Variants in PODNL1 observed in about 807,000 individuals in gnomAD.
The protein encoded by PODNL1 is podocan like 1, also known as podocan-like protein 1.
In PODNL1, 50 loss-of-function variants were observed where a neutral mutation model predicts 45.1. That is an observed-to-expected ratio of 1.11 (90% CI 0.88 to 1.40). The LOEUF (loss-of-function observed/expected upper bound fraction) is 1.40. Ranked by LOEUF, PODNL1 falls within the 40% of genes most tolerant of loss-of-function variation. The pLI is 0.00. For synonymous variants in PODNL1, 406 were observed against 372.5 expected (o/e 1.09, Z -1.04); for missense variants, 788 against 793.3 (o/e 0.99, Z 0.08).
chr19:13,952,039 C>G (rs1973057405), intron 1 of PODNL1, among the ~76,000 whole-genome samples: 1 of 152,236 alleles, frequency 6.6e-6, no homozygotes, highest in African/African-American at 2.4e-5. Flanking sequence ...TCTCTTTCCT[C>G]GGCCTGGCTC....
chr19:13,935,631 G>A, intron 5 of PODNL1, 90 bp downstream of exon 5: 1 of 1,024,812 alleles, frequency 9.8e-7, no homozygotes, highest in Non-Finnish European at 1.4e-6. Context: ...CCGGCCGAGG[G>A]CAAGGTCTTA....
In PODNL1 at chr19:13,935,973, G is replaced by A; in HGVS notation, c.384+7C>T. On this transcript the variant is annotated splice_region_variant and intron_variant, in intron 4 of 9. Coordinates refer to ENST00000588872, the MANE Select transcript of PODNL1 (RefSeq NM_001370095.3). Reference sequence around the variant, plus strand: ...GGCTCGGCCTGCGGGTGGGGCTGGGGGCTCACCTTGTTGTGAGCCACGCAG... The same window carrying A: ...GGCTCGGCCTGCGGGTGGGGCTGGGAGCTCACCTTGTTGTGAGCCACGCAG... 6.4e-7 allele frequency: 1 copy of A among 1,551,844 alleles called. No homozygotes were observed.
At chr19:13,940,079 C>A (rs890514467), upstream of PODNL1, 1 of 151,902 alleles carries the variant, frequency 6.6e-6, no homozygotes, top group South Asian at 2.1e-4. Context: ...ATGACAAACC[C>A]CCCCCCTCAA....
intron 8 of PODNL1, 172 bp from the exon 9 acceptor site, chr19:13,932,284 C>T: frequency 1.2e-6 from 1 of 861,132 alleles, no homozygotes; most frequent in South Asian, 5.9e-5. Context: ...TAAACTAAGG[C>T]CCTTCCCAGG....
chr19:13,934,762 T>C (rs1202536710), intron 5 of PODNL1, among the ~76,000 whole-genome samples: 1 of 151,974 alleles, frequency 6.6e-6, no homozygotes, highest in Non-Finnish European at 1.5e-5. Context: ...GTGTGTGCTA[T>C]GTGCCTGTGC....
chr19:13,947,920 G>A (rs1432841142), intron 1 of PODNL1, among the ~76,000 whole-genome samples: 5 of 152,092 alleles, frequency 3.3e-5, no homozygotes, highest in Non-Finnish European at 7.3e-5. Flanking sequence ...GTGCAGTGGT[G>A]CGATCATGGC....
Position 13,933,590 on chromosome 19 carries a change from G to C in PODNL1, c.768-135C>G. The C allele has an allele frequency of 1.9e-6, 2 of 1,031,578 alleles. No individual in the cohort carries two copies. The highest frequency in any genetic ancestry group is 5.7e-5 in the Admixed American group (2 of 35,030). The allele number at this position is 1,031,578 out of a possible 1,614,324, so 63.9% of individuals were successfully genotyped here. A position where few individuals can be genotyped will look rare whatever the true frequency, so the allele number is the denominator to read the frequency against. On this transcript the variant is annotated intron_variant, in intron 7 of 9. Transcript: ENST00000588872. The surrounding 1 kb of genome is among the most constrained non-coding windows in gnomAD (Gnocchi z 5.2). ...TTGACTTGGGAGTGATGCGTGGAGA[G>C]AGCTGGGTGGGAGGTAAACTTGGGG...
Position 13,933,449 on chromosome 19 carries a change from C to T in PODNL1, c.774G>A (p.Leu258=). The change falls in exon 8 of 10, where the codon CTG becomes CTA. Residue 258 remains leucine (L), a synonymous_variant. Coordinates refer to ENST00000588872, the MANE Select transcript of PODNL1 (RefSeq NM_001370095.3). The surrounding 1 kb of genome is among the most constrained non-coding windows in gnomAD (Gnocchi z 5.2). ...AGAGATCCAGGTATTCAAGGCTATG[C>T]AGCTTGCTGGAAGGAGAGAGGGTCG... ...SGLDATTFSK[L]HSLEYLDLSH... is the part of the protein sequence containing the mutation. 6.4e-7 allele frequency: 1 copy of T among 1,563,472 alleles called. No homozygotes were observed.
upstream of PODNL1, among the ~76,000 whole-genome samples, chr19:13,943,022 G>C (rs780727866): frequency 5.5e-4 from 82 of 149,866 alleles, no homozygotes; most frequent in Admixed American, 3.5e-3. Flanking sequence ...AAAGGGCCAG[G>C]CACGGTGTCT....
At chr19:13,935,875 G>C in intron 4 of PODNL1, 45 bp from the exon 5 acceptor site, 2 of 1,558,144 alleles carry the variant, frequency 1.3e-6, no homozygotes, top group Non-Finnish European at 1.7e-6. Flanking sequence ...GGTGCGCCTT[G>C]GCCCCACCAC....
chr19:13,936,075 C>A, intron 3 of PODNL1, 31 bp from the exon 4 acceptor site: 1 of 1,537,280 alleles, frequency 6.5e-7, no homozygotes, highest in Non-Finnish European at 8.8e-7. Context: ...TGAAGGGACC[C>A]CAGGCCTGTC....
At chr19:13,939,085 T>C (rs186289475), upstream of PODNL1, among the ~76,000 whole-genome samples, 3 of 152,292 alleles carry the variant, frequency 2.0e-5, no homozygotes, top group African/African-American at 7.2e-5. Flanking sequence ...CAGGGCGGCT[T>C]CAGACAGGTC....
At chr19:13,950,446 A>G (rs958264287) in intron 1 of PODNL1, among the ~76,000 whole-genome samples, 6 of 152,198 alleles carry the variant, frequency 3.9e-5, no homozygotes, top group African/African-American at 1.4e-4. Context: ...CTGGGCTTAC[A>G]GGCATGAGCC....
At chr19:13,947,885 G>T (rs73515550) in intron 1 of PODNL1, among the ~76,000 whole-genome samples, 1 of 151,964 alleles carries the variant, frequency 6.6e-6, no homozygotes, top group Non-Finnish European at 1.5e-5. Flanking sequence ...CTGAGACAGC[G>T]TCTCATTCTG....
intron 6 of PODNL1, 60 bp downstream of exon 6, chr19:13,934,194 G>T (rs1481520226): frequency 6.8e-7 from 1 of 1,467,006 alleles, no homozygotes; most frequent in Non-Finnish European, 9.1e-7. Context: ...GAACTGGAGG[G>T]GTCCCCCTGG....
chr19:13,931,936 T>A (rs1004838638), intron 9 of PODNL1, 28 bp downstream of exon 9: 1 of 1,231,932 alleles, frequency 8.1e-7, no homozygotes, highest in African/African-American at 1.6e-5. Context: ...CCTGCCCACC[T>A]CCACCCCTCC....
chr19:13,951,049 CAA>C (rs59269074), intron 1 of PODNL1, among the ~76,000 whole-genome samples: 1,435 of 66,628 alleles, frequency 0.022, 13 homozygotes, highest in Middle Eastern at 0.052. Context: ...AACTCCATCT[CAA>C]AAAAAAAAAA....
Position 13,933,104 on chromosome 19 carries a change from G to A in PODNL1, c.1119C>T (p.Ala373=), listed in dbSNP as rs542625746. ...GGTTAAGCTCCGTCAGGCCCGGTGT[G>A]GCGACCAGGTCACGGGCACCCAGCG... ...VAALGARDLV[A]TPGLTELNLA... The change falls in exon 8 of 10, where the codon GCC becomes GCT. Residue 373 remains alanine (A), a synonymous_variant. Coordinates refer to ENST00000588872, the MANE Select transcript of PODNL1 (RefSeq NM_001370095.3). The surrounding 1 kb of genome is among the most constrained non-coding windows in gnomAD (Gnocchi z 5.2). 8.5e-6 allele frequency: 13 copies of A among 1,529,380 alleles called. No individual in the cohort carries two copies. The African/African-American group carries it at 1.4e-4, about 16-fold the overall frequency. 94.7% of individuals were successfully genotyped at this position (1,529,380 alleles called of 1,614,324 possible).
Position 13,952,517 on chromosome 19 carries a change from C to T in PODNL1, c.18+602G>A, listed in dbSNP as rs1015834705. ...AAGTGGAGGGAGGGGGTGAAAATGG[C>T]GCCCAGCTCGAAATCGGAGCGGAAC... On this transcript the variant is annotated intron_variant, in intron 1 of 7. Coordinates refer to the PODNL1 transcript ENST00000538371. 8.0e-5 allele frequency: 100 copies of T among 1,249,976 alleles called. No individual in the cohort carries two copies. The African/African-American group carries it at 1.5e-3, about 19-fold the overall frequency. 77.4% of individuals were successfully genotyped at this position (1,249,976 alleles called of 1,614,324 possible).
Sources: gnomAD v4.1 joint callset for allele counts (sites outside exome capture counted in the v4.1 genomes callset) on GRCh38, gnomAD v4.1.1 for gene constraint, Gnocchi (gnomAD v3.1) non-coding constraint, MANE v1.5 for transcripts, NCBI Gene and HGNC (gene_info 2026-07-23, HGNC 2026-07-21) for gene names.